CENPI: variants seen among roughly 807,000 people sequenced by gnomAD.
CENPI encodes the protein centromere protein I, also known as FSH primary response 1.
A neutral mutation model predicts 60.4 loss-of-function variants in CENPI; 4 were observed. That is an observed-to-expected ratio of 0.07 (90% confidence interval 0.03 to 0.15). CENPI has a LOEUF of 0.15. Ranked by LOEUF, CENPI falls within the 10% of genes least tolerant of loss-of-function variation. The probability of loss-of-function intolerance (pLI) is 1.00; values close to 1 mark genes in which losing one functional copy is unlikely to be tolerated. For missense variants in CENPI, 444 were observed against 534.5 expected (o/e 0.83, Z 1.67); for synonymous variants, 157 against 189.4 (o/e 0.83, Z 1.40).
In CENPI at chrX:101,114,015, G is replaced by A. The variant is rs376380410; in HGVS notation, c.591+4017G>A. On this transcript the variant is annotated intron_variant, in intron 6 of 21. Transcript: ENST00000682095. ...CTCACCTCTGTAATCCCAGCACTTC[G>A]GGAGGCCGAGGGGGGCAGATCACCT... is the stretch of plus-strand genomic sequence containing the variant. 6.3e-5 allele frequency among the ~76,000 whole-genome samples: 7 copies of A among 111,887 alleles called. No individual in the cohort carries two copies. The East Asian group carries it at 1.1e-3, about 18-fold the overall frequency.
Position 101,165,290 on chromosome X carries a change from G to A in CENPI, c.*2323G>A, listed in dbSNP as rs2090139628. Among the ~76,000 whole-genome samples, 1 of 111,843 alleles carries A rather than the reference G, an allele frequency of 8.9e-6. No homozygotes were observed. Among genetic ancestry groups the A allele is most frequent in the South Asian group, 3.7e-4 (1 of 2,692 alleles). ...AAGATTAAAGAGGAAAGCAGAGACT[G>A]GTTAGGTTATTATAGTGTCCTAGGT... On this transcript the variant is annotated 3_prime_UTR_variant, in exon 22 of 22. Coordinates refer to ENST00000682095, the MANE Select transcript of CENPI (RefSeq NM_001386188.2).
rs371690565 is a variant in CENPI at position 101,162,060 on chromosome X, C to T, written c.2136+491C>T. 7.7e-4 allele frequency among the ~76,000 whole-genome samples: 85 copies of T among 110,324 alleles called. 1 individual carries two copies. In the East Asian group the frequency reaches 0.023, roughly 30 times the overall value. ...GGTTCAAGTGATTCTCCTGCCTCAG[C>T]CTCCTGAGAAGCTGGGATTGCATGT... On this transcript the variant is annotated intron_variant, in intron 21 of 21. Coordinates refer to ENST00000682095, the MANE Select transcript of CENPI (RefSeq NM_001386188.2).
At chrX:101,101,814 C>T (rs928885133) in intron 3 of CENPI, among the ~76,000 whole-genome samples, 7 of 112,616 alleles carry the variant, frequency 6.2e-5, no homozygotes, top group African/African-American at 1.9e-4. Flanking sequence ...AAGTTGCTAT[C>T]GCTGTTAAAT....
chrX:101,129,915 A>G (rs2089777598), intron 12 of CENPI, 67 bp from the exon 13 acceptor site: 9 of 725,456 alleles, frequency 1.2e-5, no homozygotes, highest in Non-Finnish European at 1.9e-5. Flanking sequence ...CTTTAGTGAT[A>G]ATTATGTTTT....
intron 16 of CENPI, among the ~76,000 whole-genome samples, chrX:101,142,911 A>G (rs1465317887): frequency 2.7e-5 from 3 of 109,584 alleles, no homozygotes; most frequent in African/African-American, 6.7e-5. Context: ...TGTCTCTAGT[A>G]AAAATACAAA....
At chrX:101,158,272 C>CTTTTT (rs35564589) in intron 20 of CENPI, among the ~76,000 whole-genome samples, 4 of 65,881 alleles carry the variant, frequency 6.1e-5, no homozygotes, top group African/African-American at 1.3e-4. Flanking sequence ...GGCAGTATGG[C>CTTTTT]TTTTTTTTTT....
At chrX:101,107,835 A>AT (rs35105469) in intron 4 of CENPI, among the ~76,000 whole-genome samples, 15,644 of 86,949 alleles carry the variant, frequency 0.18, 1,514 homozygotes, top group Non-Finnish European at 0.2. Context: ...CACTTGGCTA[A>AT]TTTTTTTTTT....
chrX:101,127,926 G>A (rs760742198), intron 11 of CENPI, among the ~76,000 whole-genome samples: 16 of 111,508 alleles, frequency 1.4e-4, no homozygotes, highest in African/African-American at 4.9e-4. Context: ...GGCTGGGCAC[G>A]GTGGCTCATG....
chrX:101,102,383 A>G lies in CENPI; in HGVS notation c.336A>G (p.Leu112=). 1 of 1,195,004 alleles carries G rather than the reference A, an allele frequency of 8.4e-7. No individual in the cohort carries two copies. Among genetic ancestry groups the G allele is most frequent in the Non-Finnish European group, 1.1e-6 (1 of 885,064 alleles). The change falls in exon 4 of 22, where the codon CTA becomes CTG. Residue 112 remains leucine (L), a synonymous_variant. Transcript: ENST00000682095. ...TAGCTTCAGAAGAAATTGATATTCT[A>G]TTAAATATTGCACTCAGTGGCAAAT... ...NGLASEEIDI[L]LNIALSGKFG...
intron 20 of CENPI, among the ~76,000 whole-genome samples, chrX:101,151,919 A>G (rs1224670510): frequency 9.0e-6 from 1 of 110,658 alleles, no homozygotes; most frequent in Non-Finnish European, 1.9e-5. Flanking sequence ...AGAGCTGTGC[A>G]TCCATCACCA....
intron 15 of CENPI, among the ~76,000 whole-genome samples, chrX:101,136,845 C>T (rs1479330271): frequency 3.6e-5 from 4 of 111,859 alleles, no homozygotes; most frequent in African/African-American, 1.3e-4. Flanking sequence ...TCCACATAGT[C>T]GACATAATGT....
chrX:101,177,173 T>C, the CENPI span, among the ~76,000 whole-genome samples: 1 of 111,705 alleles, frequency 9.0e-6, no homozygotes, highest in South Asian at 3.8e-4. Flanking sequence ...GGCAGGTTTT[T>C]GGGCCCCTGG....
At chrX:101,133,524 A>T (rs905937855) in intron 15 of CENPI, among the ~76,000 whole-genome samples, 1 of 108,736 alleles carries the variant, frequency 9.2e-6, no homozygotes, top group Admixed American at 1.0e-4. Context: ...TCAGACACGT[A>T]TATTTGAGAA....
Position 101,162,944 on chromosome X carries a change from A to G in CENPI, c.2248A>G (p.Ile750Val), listed in dbSNP as rs199732240. 5.8e-5 allele frequency: 70 copies of G among 1,207,783 alleles called. 1 individual carries two copies. The South Asian group carries it at 1.2e-3, about 20-fold the overall frequency. The change falls in exon 22 of 22, where the codon ATA becomes GTA. Residue 750 changes from isoleucine to valine, a missense_variant. By Grantham distance (29) the Ile-to-Val change is conservative. Transcript: ENST00000682095. ...HHSSIPRAEG[I>V]NCNNQY ...TTCTTCCATTCCCAGAGCAGAGGGC[A>G]TAAACTGCAACAATCAATATTAAAT... is the stretch of plus-strand genomic sequence containing the variant.
intron 20 of CENPI, among the ~76,000 whole-genome samples, chrX:101,148,863 G>A (rs1395288461): frequency 9.0e-6 from 1 of 111,535 alleles, no homozygotes; most frequent in Non-Finnish European, 1.9e-5. Flanking sequence ...TGTGCAGGGT[G>A]GGGGAGATAT....
At chrX:101,099,178 G>A (rs140027125) in intron 2 of CENPI, among the ~76,000 whole-genome samples, 2,854 of 110,560 alleles carry the variant, frequency 0.026, 99 homozygotes, top group African/African-American at 0.089. Context: ...TGTAATCCCA[G>A]CACTTTGGGA....
chrX:101,143,553 T>C (rs1180576728), intron 16 of CENPI, among the ~76,000 whole-genome samples: 2 of 112,122 alleles, frequency 1.8e-5, no homozygotes, highest in East Asian at 5.6e-4. Flanking sequence ...TGAGATGGAG[T>C]CTCACTCTGT....
chrX:101,109,838 T>C, intron 5 of CENPI, 53 bp from the exon 6 acceptor site: 1 of 894,386 alleles, frequency 1.1e-6, no homozygotes, highest in Non-Finnish European at 1.6e-6. Flanking sequence ...GGAATTAAAC[T>C]CTTCTGTACC....
intron 15 of CENPI, among the ~76,000 whole-genome samples, chrX:101,132,837 A>G (rs1239536471): frequency 8.9e-6 from 1 of 111,914 alleles, no homozygotes; most frequent in Non-Finnish European, 1.9e-5. Flanking sequence ...TGACACTGGG[A>G]ATATAGTAGT....
Sources: gnomAD v4.1 joint callset for allele counts (sites outside exome capture counted in the v4.1 genomes callset) on GRCh38, gnomAD v4.1.1 for gene constraint, MANE v1.5 for transcripts, NCBI Gene and HGNC (gene_info 2026-07-23, HGNC 2026-07-21) for gene names.